Variants in EEF2K observed in about 807,000 individuals in gnomAD.
The protein encoded by EEF2K is alternative protein EEF2K.
A neutral mutation model predicts 93.8 loss-of-function variants in EEF2K; 70 were observed. That is an observed-to-expected ratio of 0.75 (90% CI 0.62 to 0.91). EEF2K has a LOEUF of 0.91. Among genes scored for constraint, EEF2K ranks in the 40% least tolerant of loss-of-function variants. The pLI, the probability that EEF2K is intolerant of heterozygous loss-of-function variation, is 0.00. For synonymous variants in EEF2K, 376 were observed against 380.8 expected (o/e 0.99, Z 0.15); for missense variants, 935 against 972.9 (o/e 0.96, Z 0.52).
chr16:22,211,602 C>G (rs572391165), intron 1 of EEF2K, among the ~76,000 whole-genome samples: 291 of 152,092 alleles, frequency 1.9e-3, no homozygotes, highest in Middle Eastern at 0.01. Context: ...TGGGACTATA[C>G]AGGTCGTGTG....
intron 2 of EEF2K, among the ~76,000 whole-genome samples, chr16:22,240,732 C>T (rs560776160): frequency 1.3e-5 from 2 of 152,226 alleles, no homozygotes; most frequent in South Asian, 2.1e-4. Flanking sequence ...CACAACAGAA[C>T]ATGTGGTGTG....
At chr16:22,215,856 C>T (rs2046953011) in intron 1 of EEF2K, among the ~76,000 whole-genome samples, 2 of 152,104 alleles carry the variant, frequency 1.3e-5, no homozygotes, top group South Asian at 4.1e-4. Context: ...ATCCGGGAGG[C>T]GGAGGTTGCA....
intron 16 of EEF2K, among the ~76,000 whole-genome samples, chr16:22,279,390 ACCACAC>A (rs2047671805): frequency 1.3e-5 from 2 of 151,874 alleles, no homozygotes; most frequent in South Asian, 4.2e-4. Flanking sequence ...GGTGTCCATC[ACCACAC>A]CCAGCTTTTT....
intron 1 of EEF2K, among the ~76,000 whole-genome samples, chr16:22,210,557 A>T (rs2046905493): frequency 6.6e-6 from 1 of 152,178 alleles, no homozygotes; most frequent in Admixed American, 6.5e-5. Flanking sequence ...TAAGGAAGTG[A>T]TGACTGCATT....
At position 22,248,818 on chromosome 16, in the gene EEF2K, G is replaced by A. The variant is rs2047320308; in HGVS notation, c.408+3G>A. 2 of 1,613,816 alleles carry A rather than the reference G, an allele frequency of 1.2e-6. No homozygotes were observed. The highest frequency in any genetic ancestry group is 1.7e-5 in the Admixed American group (1 of 59,996). ...TTCTGATCAAGATGGCATCTCAGGT[G>A]AGCAGAGCGTTGAGCCCCGTGGGGA... On this transcript the variant is annotated splice_donor_region_variant and intron_variant, in intron 4 of 17. Coordinates refer to ENST00000263026, the MANE Select transcript of EEF2K (RefSeq NM_013302.5).
intron 15 of EEF2K, among the ~76,000 whole-genome samples, chr16:22,267,590 G>C (rs1598201444): frequency 6.7e-6 from 1 of 149,138 alleles, no homozygotes; most frequent in South Asian, 2.1e-4. Flanking sequence ...GTGAGATCCT[G>C]TCTCCAAAAA....
intron 15 of EEF2K, among the ~76,000 whole-genome samples, chr16:22,272,834 G>A (rs143712439): frequency 3.1e-4 from 47 of 152,214 alleles, no homozygotes; most frequent in African/African-American, 1.1e-3. Flanking sequence ...GTTAATTTTT[G>A]TATTTTTAGT....
chr16:22,228,420 G>A (rs1035483269), intron 2 of EEF2K, among the ~76,000 whole-genome samples: 7 of 152,076 alleles, frequency 4.6e-5, no homozygotes, highest in Non-Finnish European at 5.9e-5. Context: ...TCAGGATTTC[G>A]AGACCAGCCT....
intron 2 of EEF2K, among the ~76,000 whole-genome samples, chr16:22,238,349 A>G (rs1368476523): frequency 6.6e-6 from 1 of 152,054 alleles, no homozygotes; most frequent in Non-Finnish European, 1.5e-5. Flanking sequence ...TGAGTATACC[A>G]AGTGTATGTG....
chr16:22,255,471 C>A (rs375879664), intron 6 of EEF2K, among the ~76,000 whole-genome samples: 18 of 152,272 alleles, frequency 1.2e-4, no homozygotes, highest in African/African-American at 4.3e-4. Flanking sequence ...CCTTACAGGG[C>A]AGGCTGGAGT....
At chr16:22,217,201 A>G (rs1394761938) in intron 1 of EEF2K, among the ~76,000 whole-genome samples, 2 of 140,544 alleles carry the variant, frequency 1.4e-5, no homozygotes, top group Admixed American at 7.1e-5. Flanking sequence ...GAAGCGTATT[A>G]TTTAGTGATA....
intron 1 of EEF2K, among the ~76,000 whole-genome samples, chr16:22,217,315 G>A (rs763289794): frequency 3.3e-5 from 5 of 152,022 alleles, no homozygotes; most frequent in East Asian, 1.9e-4. Context: ...AGGGCTGCCC[G>A]TGCAAAGTTG....
At chr16:22,254,102 ATAG>A (rs752817538) in intron 6 of EEF2K, among the ~76,000 whole-genome samples, 24 of 151,178 alleles carry the variant, frequency 1.6e-4, no homozygotes, top group East Asian at 3.9e-4. Context: ...CCATCCCCAA[ATAG>A]TAGTAGTAGT....
In EEF2K at chr16:22,280,338, C is replaced by T. The variant is rs199731019; in HGVS notation, c.2030C>T (p.Thr677Ile). 2.5e-6 allele frequency: 4 copies of T among 1,599,732 alleles called. No individual in the cohort carries two copies. The highest frequency in any genetic ancestry group is 1.7e-5 in the Admixed American group (1 of 58,262). ...MLAREAEMLF[T>I]GGYGLEKDPQ... ...GCCAGGGAGGCCGAGATGCTGTTCA[C>T]AGGAGGCTACGGGCTGGAGAAGGAC... The change falls in exon 17 of 18, where the codon ACA (threonine) becomes ATA (isoleucine). Residue 677 changes from threonine (T) to isoleucine (I), a missense_variant. By Grantham distance (89) the Thr-to-Ile change is moderately conservative. Transcript: ENST00000263026.
rs200682384 is a variant in EEF2K at position 22,257,707 on chromosome 16, C to T, written c.966C>T (p.Gly322=). 342 of 1,614,042 alleles carry T rather than the reference C, an allele frequency of 2.1e-4. 7 individuals are homozygous for T. The South Asian group carries it at 3.5e-3, about 16-fold the overall frequency. Residue 322 remains glycine, a synonymous_variant, in exon 9 of 18, where the codon GGC becomes GGT. Transcript: ENST00000263026. ...GCAACCGGATTTGCGAGAGCATGGG[C>T]CTTGCTCCCTTTGACCTCTCGCCCC... ...HACNRICESM[G]LAPFDLSPRE...
At chr16:22,218,899 G>GT (rs2046985295) in intron 1 of EEF2K, among the ~76,000 whole-genome samples, 1 of 149,908 alleles carries the variant, frequency 6.7e-6, no homozygotes, top group Non-Finnish European at 1.5e-5. Context: ...GCCGAAGAGG[G>GT]TGGATCACTT....
chr16:22,265,043 C>A, intron 13 of EEF2K, 163 bp downstream of exon 13: 1 of 724,464 alleles, frequency 1.4e-6, no homozygotes, highest in Non-Finnish European at 2.3e-6. Context: ...GCTCTTTGAA[C>A]CTCTGCAGGG....
At chr16:22,239,837 G>C (rs775002120) in intron 2 of EEF2K, among the ~76,000 whole-genome samples, 23 of 152,116 alleles carry the variant, frequency 1.5e-4, no homozygotes, top group Admixed American at 3.3e-4. Flanking sequence ...CAGGGGCCAG[G>C]CTCATGCCTG....
intron 2 of EEF2K, among the ~76,000 whole-genome samples, chr16:22,232,089 C>G (rs574633630): frequency 2.6e-5 from 4 of 151,082 alleles, no homozygotes; most frequent in African/African-American, 9.7e-5. Flanking sequence ...CTCTGTTCAT[C>G]CCCTCCACTC....
Sources: gnomAD v4.1 joint callset for allele counts (sites outside exome capture counted in the v4.1 genomes callset) on GRCh38, gnomAD v4.1.1 for gene constraint, MANE v1.5 for transcripts, NCBI Gene and HGNC (gene_info 2026-07-23, HGNC 2026-07-21) for gene names.